The following PXDNL variants were observed in gnomAD, a reference collection of about 807,000 sequenced individuals.
PXDNL encodes the protein peroxidasin like, also known as probable oxidoreductase PXDNL.
PXDNL carries 145 observed loss-of-function variants against 150.8 expected under a neutral mutation model. That is an observed-to-expected ratio of 0.96 (90% CI 0.84 to 1.10). PXDNL has a LOEUF of 1.10. PXDNL is among the 50% of genes least tolerant of loss of function. The pLI is 0.00. For synonymous variants in PXDNL, 757 were observed against 725.7 expected (o/e 1.04, Z -0.69); for missense variants, 2,087 against 1,873.9 (o/e 1.11, Z -2.10).
At chr8:51,428,046 T>C (rs1809155730) in intron 12 of PXDNL, among the ~76,000 whole-genome samples, 2 of 152,198 alleles carry the variant, frequency 1.3e-5, no homozygotes, top group African/African-American at 4.8e-5. Flanking sequence ...AATGTATTAA[T>C]ATATAGATAG....
chr8:51,526,938 A>C (rs1811782627), intron 4 of PXDNL, among the ~76,000 whole-genome samples: 1 of 152,146 alleles, frequency 6.6e-6, no homozygotes, highest in African/African-American at 2.4e-5. Context: ...CGCCCTGGGA[A>C]TAACCATCAT....
chr8:51,670,932 A>G (rs1815487537), intron 1 of PXDNL, among the ~76,000 whole-genome samples: 2 of 152,250 alleles, frequency 1.3e-5, no homozygotes, highest in Non-Finnish European at 2.9e-5. Flanking sequence ...TTTCATTGCC[A>G]TGCATAAAGA....
intron 19 of PXDNL, among the ~76,000 whole-genome samples, chr8:51,359,105 T>A (rs1202148273): frequency 6.6e-6 from 1 of 152,054 alleles, no homozygotes; most frequent in Non-Finnish European, 1.5e-5. Context: ...ACCTGTCTCC[T>A]TCTGCTAGGT....
At chr8:51,335,163 GC>G (rs1805798904) in intron 21 of PXDNL, among the ~76,000 whole-genome samples, 1 of 152,048 alleles carries the variant, frequency 6.6e-6, no homozygotes, top group African/African-American at 2.4e-5. Context: ...AATTATAGTG[GC>G]CGACATAGTG....
At chr8:51,398,183 G>A (rs966068953) in intron 17 of PXDNL, among the ~76,000 whole-genome samples, 1 of 152,226 alleles carries the variant, frequency 6.6e-6, no homozygotes. Context: ...GGAAACTCAT[G>A]ACAGTGGCCT....
chr8:51,636,324 C>T (rs530921758), intron 2 of PXDNL, among the ~76,000 whole-genome samples: 174 of 152,150 alleles, frequency 1.1e-3, no homozygotes, highest in Non-Finnish European at 1.9e-3. Flanking sequence ...TACTATTTAA[C>T]GCTATATTGG....
intron 19 of PXDNL, among the ~76,000 whole-genome samples, chr8:51,360,363 A>G (rs905271907): frequency 2.0e-5 from 3 of 152,204 alleles, no homozygotes; most frequent in Admixed American, 2.0e-4. Context: ...CTATACATAC[A>G]ATACCTATTC....
chr8:51,401,267 T>A (rs899940488), intron 17 of PXDNL, among the ~76,000 whole-genome samples: 45 of 152,174 alleles, frequency 3.0e-4, no homozygotes, highest in African/African-American at 1.0e-3. Flanking sequence ...AGAAAAAAAA[T>A]GTGATACTCA....
intron 17 of PXDNL, among the ~76,000 whole-genome samples, chr8:51,394,729 C>A (rs1413417746): frequency 6.6e-6 from 1 of 152,150 alleles, no homozygotes; most frequent in Admixed American, 6.5e-5. Context: ...GGCATCTTGA[C>A]CTGAAGGATG....
intron 14 of PXDNL, among the ~76,000 whole-genome samples, chr8:51,421,277 C>T (rs554614698): frequency 6.6e-5 from 10 of 152,250 alleles, no homozygotes; most frequent in Admixed American, 5.9e-4. Context: ...TTCCACAGGT[C>T]TCATAAATAG....
chr8:51,589,572 C>T (rs866410812), intron 3 of PXDNL, among the ~76,000 whole-genome samples: 1 of 152,166 alleles, frequency 6.6e-6, no homozygotes. Flanking sequence ...TTATTGGAAG[C>T]TGGATTAAAG....
At chr8:51,528,779 C>T (rs553288561) in intron 4 of PXDNL, among the ~76,000 whole-genome samples, 2 of 152,152 alleles carry the variant, frequency 1.3e-5, no homozygotes, top group Admixed American at 1.3e-4. Flanking sequence ...TGCAGGCCCA[C>T]GACTGCCAGC....
intron 1 of PXDNL, among the ~76,000 whole-genome samples, chr8:51,779,680 C>T (rs1361770810): frequency 1.3e-5 from 2 of 152,246 alleles, no homozygotes; most frequent in Non-Finnish European, 2.9e-5. Flanking sequence ...CTCATGGATT[C>T]CGCTCTGACA....
chr8:51,633,516 T>C (rs1315860404), intron 2 of PXDNL, among the ~76,000 whole-genome samples: 1 of 152,158 alleles, frequency 6.6e-6, no homozygotes, highest in East Asian at 1.9e-4. Flanking sequence ...CAACAGCATA[T>C]ATGTGTTCTC....
intron 19 of PXDNL, among the ~76,000 whole-genome samples, chr8:51,348,237 G>T (rs967815412): frequency 6.6e-6 from 1 of 152,094 alleles, no homozygotes; most frequent in Non-Finnish European, 1.5e-5. Flanking sequence ...ATCATCTATG[G>T]TCTTTCATTA....
intron 21 of PXDNL, among the ~76,000 whole-genome samples, chr8:51,335,571 G>A (rs549649976): frequency 2.3e-4 from 35 of 151,802 alleles, no homozygotes; most frequent in Non-Finnish European, 4.7e-4. Flanking sequence ...GTAGTACCTC[G>A]AGTACATGCA....
chr8:51,781,320 G>T (rs1483244163), intron 1 of PXDNL, among the ~76,000 whole-genome samples: 3 of 148,812 alleles, frequency 2.0e-5, no homozygotes, highest in Non-Finnish European at 4.5e-5. Context: ...GCACATGCAT[G>T]CATGTGGCCT....
intron 1 of PXDNL, among the ~76,000 whole-genome samples, chr8:51,798,946 TGC>T (rs2037590356): frequency 6.6e-6 from 1 of 152,070 alleles, no homozygotes; most frequent in Non-Finnish European, 1.5e-5. Context: ...TAAAGATACA[TGC>T]ACACATATCT....
At chr8:51,482,684 C>A (rs1810630501) in intron 6 of PXDNL, among the ~76,000 whole-genome samples, 1 of 152,148 alleles carries the variant, frequency 6.6e-6, no homozygotes. Context: ...CTCATGAGAT[C>A]TGATGGTTTT....
Sources: gnomAD v4.1 joint callset for allele counts (sites outside exome capture counted in the v4.1 genomes callset) on GRCh38, gnomAD v4.1.1 for gene constraint, MANE v1.5 for transcripts, NCBI Gene and HGNC (gene_info 2026-07-23, HGNC 2026-07-21) for gene names.